Variants in VEPH1 observed in about 807,000 individuals in gnomAD.
VEPH1 encodes the protein ventricular zone-expressed PH domain-containing protein homolog 1.
Under a neutral mutation model 85.2 loss-of-function variants are expected in VEPH1, and 80 were observed. The ratio of observed to expected loss-of-function variants is 0.94; its 90% confidence interval spans 0.78 to 1.13. VEPH1 has a LOEUF of 1.13. VEPH1 is among the 50% of genes most tolerant of loss of function. The pLI is 0.00. For synonymous variants in VEPH1, 297 were observed against 348.0 expected (o/e 0.85, Z 1.63); for missense variants, 955 against 980.5 (o/e 0.97, Z 0.35).
intron 7 of VEPH1, among the ~76,000 whole-genome samples, chr3:157,375,566 A>T (rs959948769): frequency 6.6e-6 from 1 of 152,148 alleles, no homozygotes; most frequent in African/African-American, 2.4e-5. Context: ...CATTGCATGG[A>T]ATGTAGGATA....
intron 2 of VEPH1, among the ~76,000 whole-genome samples, chr3:157,493,606 C>T (rs533928657): frequency 2.7e-4 from 41 of 152,306 alleles, no homozygotes; most frequent in Non-Finnish European, 4.4e-4. Flanking sequence ...AGAAGACACA[C>T]GAACTCCTGG....
intron 3 of VEPH1, among the ~76,000 whole-genome samples, chr3:157,463,179 C>T (rs1353472309): frequency 6.6e-6 from 1 of 152,182 alleles, no homozygotes; most frequent in African/African-American, 2.4e-5. Flanking sequence ...ATCCCTGCCT[C>T]CCCAGTCACT....
At chr3:157,441,281 T>C (rs1027520483) in intron 4 of VEPH1, among the ~76,000 whole-genome samples, 5 of 152,212 alleles carry the variant, frequency 3.3e-5, no homozygotes, top group Non-Finnish European at 7.4e-5. Context: ...TATGTAAACA[T>C]AGATAAGTTA....
intron 6 of VEPH1, among the ~76,000 whole-genome samples, chr3:157,399,894 C>A (rs10513513): frequency 0.042 from 6,320 of 151,874 alleles, 184 homozygotes; most frequent in South Asian, 0.11. Flanking sequence ...AACTTTGAGC[C>A]GATTTTTAGA....
intron 4 of VEPH1, among the ~76,000 whole-genome samples, chr3:157,450,962 C>A (rs1296690315): frequency 6.6e-6 from 1 of 152,128 alleles, no homozygotes; most frequent in Non-Finnish European, 1.5e-5. Context: ...CTGCTAGAGT[C>A]ATTTTGCTAA....
chr3:157,314,990 T>A (rs966513976), intron 10 of VEPH1, among the ~76,000 whole-genome samples: 20 of 152,104 alleles, frequency 1.3e-4, no homozygotes, highest in Admixed American at 6.5e-4. Context: ...GGAACAATTT[T>A]AAAAAAATGT....
At chr3:157,407,116 TAA>T in intron 6 of VEPH1, among the ~76,000 whole-genome samples, 1 of 152,074 alleles carries the variant, frequency 6.6e-6, no homozygotes, top group South Asian at 2.1e-4. Context: ...CTTGCGTGGC[TAA>T]GAGAGTCTAA....
chr3:157,482,157 C>T (rs914934381), intron 2 of VEPH1, among the ~76,000 whole-genome samples: 2 of 152,046 alleles, frequency 1.3e-5, no homozygotes, highest in African/African-American at 4.8e-5. Flanking sequence ...TATTTTGACT[C>T]TTTTTTGGTT....
intron 9 of VEPH1, among the ~76,000 whole-genome samples, chr3:157,326,390 CA>C (rs1468687764): frequency 6.6e-6 from 1 of 152,016 alleles, no homozygotes; most frequent in Non-Finnish European, 1.5e-5. Context: ...ATAGGAGTAC[CA>C]AAAAAGTAAA....
chr3:157,424,955 G>A (rs1341839221), intron 5 of VEPH1, among the ~76,000 whole-genome samples: 1 of 152,206 alleles, frequency 6.6e-6, no homozygotes, highest in African/African-American at 2.4e-5. Flanking sequence ...TGGGGAAAAT[G>A]TGTCCAGGGA....
chr3:157,428,401 A>G lies in VEPH1; in HGVS notation c.617T>C (p.Leu206Ser). The G allele has an allele frequency of 6.2e-7, 1 of 1,614,126 alleles. No individual in the cohort carries two copies. Among genetic ancestry groups the G allele is most frequent in the South Asian group, 1.1e-5 (1 of 91,082 alleles). ...TTCTGGCTGTTCCAGCTGAGACATC[A>G]AGGCCAGGAGTTCTGTCAGGTGTCT... is the stretch of plus-strand genomic sequence containing the variant. ...INRHLTELLA[L>S]MSQLEQPEQY... The change falls in exon 5 of 14, where the codon TTG (leucine) becomes TCG (serine). Residue 206 changes from leucine to serine, a missense_variant. Leu to Ser is a moderately radical substitution (Grantham distance 145, BLOSUM62 -2). Coordinates refer to ENST00000362010, the MANE Select transcript of VEPH1 (RefSeq NM_001167912.2).
intron 1 of VEPH1, among the ~76,000 whole-genome samples, chr3:157,496,939 C>T (rs1029229044): frequency 6.6e-6 from 1 of 152,084 alleles, no homozygotes; most frequent in African/African-American, 2.4e-5. Context: ...ATCTATGTAC[C>T]AGGCATAAAC....
chr3:157,317,895 C>T (rs981407176), intron 9 of VEPH1, among the ~76,000 whole-genome samples: 1 of 152,178 alleles, frequency 6.6e-6, no homozygotes, highest in Non-Finnish European at 1.5e-5. Context: ...GGATAATAAA[C>T]ATTATAATTA....
At chr3:157,330,170 T>C (rs140040395) in intron 9 of VEPH1, among the ~76,000 whole-genome samples, 7 of 152,358 alleles carry the variant, frequency 4.6e-5, no homozygotes, top group Non-Finnish European at 8.8e-5. Flanking sequence ...CAATTTTCCC[T>C]ATTCTTTACA....
intron 11 of VEPH1, among the ~76,000 whole-genome samples, chr3:157,299,964 G>A (rs775986602): frequency 6.6e-6 from 1 of 152,118 alleles, no homozygotes; most frequent in African/African-American, 2.4e-5. Flanking sequence ...ACATCCCTGC[G>A]AAGTGTTTAC....
intron 11 of VEPH1, among the ~76,000 whole-genome samples, chr3:157,293,205 G>A (rs1280123658): frequency 6.6e-6 from 1 of 152,090 alleles, no homozygotes; most frequent in African/African-American, 2.4e-5. Flanking sequence ...TAGGCCATGG[G>A]GGAGCAGACT....
At position 157,368,723 on chromosome 3, in the gene VEPH1, C is replaced by T. The variant is rs966613096; in HGVS notation, c.1128-4211G>A. On this transcript the variant is annotated intron_variant, in intron 7 of 13. Transcript: ENST00000362010. ...AGCCAGGATGGTCTCAATCTCCTGA[C>T]CTCGTGATCCTCCCGCCTCGGCCAC... Among the ~76,000 whole-genome samples, 37 of 152,176 alleles carry T rather than the reference C, an allele frequency of 2.4e-4. 1 individual carries two copies. The highest frequency in any genetic ancestry group is 8.9e-4 in the African/African-American group (37 of 41,506).
At chr3:157,431,966 G>C (rs902027790) in intron 4 of VEPH1, among the ~76,000 whole-genome samples, 2 of 151,954 alleles carry the variant, frequency 1.3e-5, no homozygotes, top group Admixed American at 1.3e-4. Flanking sequence ...TCCTGCCTCA[G>C]CCTCCCAAAT....
intron 4 of VEPH1, among the ~76,000 whole-genome samples, chr3:157,451,367 GAAGT>G (rs748039005): frequency 5.3e-5 from 8 of 152,210 alleles, no homozygotes; most frequent in Non-Finnish European, 1.0e-4. Context: ...CAAGAAGTAA[GAAGT>G]AAGACCTTTT....
Sources: gnomAD v4.1 joint callset for allele counts (sites outside exome capture counted in the v4.1 genomes callset) on GRCh38, gnomAD v4.1.1 for gene constraint, MANE v1.5 for transcripts, NCBI Gene and HGNC (gene_info 2026-07-23, HGNC 2026-07-21) for gene names.